TNRC18: variants seen among roughly 807,000 people sequenced by gnomAD.
TNRC18 encodes the protein trinucleotide repeat-containing gene 18 protein.
A neutral mutation model predicts 226.7 loss-of-function variants in TNRC18; 69 were observed. That is an observed-to-expected ratio of 0.30 (90% CI 0.25 to 0.37). The LOEUF (loss-of-function observed/expected upper bound fraction) is 0.37. Among genes scored for constraint, TNRC18 ranks in the 10% least tolerant of loss-of-function variants. The probability of loss-of-function intolerance (pLI) is 1.00; values close to 1 mark genes in which losing one functional copy is unlikely to be tolerated. For missense variants in TNRC18, 4,754 were observed against 4,256.6 expected (o/e 1.12, Z -3.25); for synonymous variants, 2,449 against 1,927.6 (o/e 1.27, Z -7.09).
Position 5,387,825 on chromosome 7 carries a change from C to CCG in TNRC18, c.1998_1999insCG (p.Glu667ArgfsTer40). Reference sequence around the variant, plus strand: ...GCCTCACCCTGGGCACCAGAGCCCTCGCGCCCGAAAGCTTTGGCGCTCTCG... The same window carrying CCG: ...GCCTCACCCTGGGCACCAGAGCCCTCCGGCGCCCGAAAGCTTTGGCGCTCTCG... On this transcript the variant is annotated frameshift_variant, in exon 5 of 30. Coordinates refer to ENST00000430969, the MANE Select transcript of TNRC18 (RefSeq NM_001080495.3). LOFTEE classifies it high-confidence loss of function. The CCG allele has an allele frequency of 6.2e-7, 1 of 1,606,794 alleles. No homozygotes were observed. The highest frequency in any genetic ancestry group is 2.2e-5 in the East Asian group (1 of 44,860).
chr7:5,405,116 CAA>C (rs61065130), intron 2 of TNRC18, among the ~76,000 whole-genome samples: 8 of 144,924 alleles, frequency 5.5e-5, no homozygotes, highest in Non-Finnish European at 4.6e-5. Context: ...GACTTCGTCT[CAA>C]AAAAAAAAAA....
At chr7:5,401,110 G>A (rs988837964) in intron 2 of TNRC18, among the ~76,000 whole-genome samples, 3 of 151,852 alleles carry the variant, frequency 2.0e-5, no homozygotes, top group South Asian at 2.1e-4. Flanking sequence ...TTGGGAGGCC[G>A]AGTGACTCAC....
At chr7:5,357,946 G>A (rs746445334) in intron 15 of TNRC18, among the ~76,000 whole-genome samples, 4 of 152,192 alleles carry the variant, frequency 2.6e-5, no homozygotes, top group Non-Finnish European at 5.9e-5. Flanking sequence ...CGCTGGCCCT[G>A]GCTTTCCGTG....
At chr7:5,382,041 T>C (rs1779432104) in intron 5 of TNRC18, among the ~76,000 whole-genome samples, 1 of 152,174 alleles carries the variant, frequency 6.6e-6, no homozygotes, top group African/African-American at 2.4e-5. Context: ...GCTGTCCCTG[T>C]GCCCAGCAGG....
rs61332709 is a variant in TNRC18, at chr7:5,371,273, C to G, written c.3321G>C (p.Ala1107=). The G allele has an allele frequency of 7.9e-3, 12,625 of 1,590,126 alleles. 872 individuals are homozygous for G. In the African/African-American group the frequency reaches 0.15, roughly 19 times the overall value. The change falls in exon 11 of 30, where the codon GCG becomes GCC. Residue 1107 remains alanine (A), a synonymous_variant. Coordinates refer to ENST00000430969, the MANE Select transcript of TNRC18 (RefSeq NM_001080495.3). The part of the protein sequence containing the change: ...FLLQPTAAAD[A]DGLAPDVPLP... ...GCGGCACATCAGGGGCCAAGCCGTC[C>G]GCGTCGGCGGCGGCCGTGGGCTGCA...
At chr7:5,335,835 GAAAAAAAAAA>G (rs61412615) in intron 18 of TNRC18, among the ~76,000 whole-genome samples, 9 of 126,814 alleles carry the variant, frequency 7.1e-5, no homozygotes, top group Admixed American at 1.6e-4. Context: ...ATATTCACTG[GAAAAAAAAAA>G]AAAAAAAAAA....
chr7:5,387,866 C>G lies in TNRC18; in HGVS notation c.1958G>C (p.Arg653Pro). The G allele has an allele frequency of 6.3e-7, 1 of 1,598,100 alleles. No homozygotes were observed. Among genetic ancestry groups the G allele is most frequent in the Non-Finnish European group, 8.5e-7 (1 of 1,175,076 alleles). Residue 653 changes from arginine to proline, a missense_variant, in exon 5 of 30, where the codon CGG becomes CCG. Transcript: ENST00000430969. ...PAAGGGRQLK[R>P]DPERPESAKA... Reference sequence around the variant, plus strand: ...GGCGCTCTCGGGCCTCTCGGGGTCCCGCTTCAGCTGCCGGCCGCCGCCCGC... The same window carrying G: ...GGCGCTCTCGGGCCTCTCGGGGTCCGGCTTCAGCTGCCGGCCGCCGCCCGC...
chr7:5,347,824 G>T (rs1385989555), intron 17 of TNRC18, among the ~76,000 whole-genome samples: 1 of 151,748 alleles, frequency 6.6e-6, no homozygotes, highest in African/African-American at 2.4e-5. Flanking sequence ...GTGCAGTGGC[G>T]GACACCTGTA....
rs1054269707 is a variant in TNRC18, at chr7:5,381,578, C to T, written c.2153-3554G>A. Among the ~76,000 whole-genome samples, 3 of 152,090 alleles carry T rather than the reference C, an allele frequency of 2.0e-5. No individual in the cohort carries two copies. In the East Asian group the frequency reaches 5.8e-4, roughly 29 times the overall value. On this transcript the variant is annotated intron_variant, in intron 5 of 29. Coordinates refer to ENST00000430969, the MANE Select transcript of TNRC18 (RefSeq NM_001080495.3). ...TCCTCGAGGCTGCAGTGAGCCATGA[C>T]TGCACCACTGAACTCCAACCTGGGC...
At position 5,377,866 on chromosome 7, in the gene TNRC18, AC is replaced by A; in HGVS notation, c.2255+55del. On this transcript the variant is annotated intron_variant, in intron 6 of 29. Coordinates refer to ENST00000430969, the MANE Select transcript of TNRC18 (RefSeq NM_001080495.3). The surrounding 1 kb of genome is among the most constrained non-coding windows in gnomAD (Gnocchi z 5.8). ...ACCTGGGGTCATCCAGCTGCCCCTC[AC>A]CCCCAGGGGCTCCTAGATACCCCCT... 1 of 1,544,428 alleles carries A rather than the reference AC, an allele frequency of 6.5e-7. No individual in the cohort carries two copies. Among genetic ancestry groups the A allele is most frequent in the Non-Finnish European group, 8.9e-7 (1 of 1,121,170 alleles).
chr7:5,388,637 T>C lies in TNRC18; in HGVS notation c.1187A>G (p.Asp396Gly). 7.8e-7 allele frequency: 1 copy of C among 1,277,046 alleles called. No individual in the cohort carries two copies. The highest frequency in any genetic ancestry group is 3.6e-5 in the East Asian group (1 of 27,506). 79.1% of individuals were successfully genotyped at this position (1,277,046 alleles called of 1,614,324 possible). The change falls in exon 5 of 30, where the codon GAT becomes GGT. Residue 396 changes from aspartate to glycine, a missense_variant. Transcript: ENST00000430969. ...GPIQIASQAR[D>G]ARAREREAGR... ...AGCCTCGCGCTCGCGGGCCCGGGCA[T>C]CGCGCGCCTGGGATGCGATCTGGAT...
chr7:5,411,852 C>G (rs1044325134), intron 2 of TNRC18, among the ~76,000 whole-genome samples: 11 of 152,040 alleles, frequency 7.2e-5, no homozygotes, highest in Non-Finnish European at 1.5e-4. Context: ...CAAAGCAGCT[C>G]ATCCAATAGA....
rs373773909 is a variant in TNRC18 at position 5,324,347 on chromosome 7, G to A, written c.6309C>T (p.Gly2103=). Reference sequence around the variant, plus strand: ...TCAGCTTGCTCACGGCACCCCCCTTGCCGCGGTTCTGGGGACAGAACATGG... The same window carrying A: ...TCAGCTTGCTCACGGCACCCCCCTTACCGCGGTTCTGGGGACAGAACATGG... ...KGKEVKKENR[G]KGGAVSKLME... is the part of the protein sequence containing the mutation. Residue 2103 remains glycine (G), a synonymous_variant, in exon 21 of 30, where the codon GGC becomes GGT. Transcript: ENST00000430969. This position sits in a 1 kb window ranked among gnomAD's most constrained non-coding sequence, Gnocchi z 4.8. 1.9e-6 allele frequency: 3 copies of A among 1,613,430 alleles called. No individual in the cohort carries two copies. Among genetic ancestry groups the A allele is most frequent in the Admixed American group, 1.7e-5 (1 of 60,004 alleles).
At chr7:5,319,693 G>C (rs542001627) in intron 24 of TNRC18, among the ~76,000 whole-genome samples, 132 of 152,220 alleles carry the variant, frequency 8.7e-4, no homozygotes, top group African/African-American at 3.2e-3. Flanking sequence ...ATTTTTAGTA[G>C]AGACGGGGTT....
intron 2 of TNRC18, chr7:5,420,596 G>C (rs1404064771): frequency 4.4e-6 from 2 of 455,124 alleles, no homozygotes; most frequent in African/African-American, 4.0e-5. Flanking sequence ...CCAGGGACCC[G>C]GCTCGGCGCG....
At chr7:5,404,098 G>A (rs1562626428) in intron 2 of TNRC18, among the ~76,000 whole-genome samples, 1 of 152,090 alleles carries the variant, frequency 6.6e-6, no homozygotes, top group South Asian at 2.1e-4. Flanking sequence ...CAGGGCCGGG[G>A]GCGGTGGACC....
intron 2 of TNRC18, among the ~76,000 whole-genome samples, chr7:5,402,229 C>G (rs1226845469): frequency 6.7e-6 from 1 of 150,284 alleles, no homozygotes; most frequent in Admixed American, 6.6e-5. Context: ...GAGCAAGACC[C>G]CATCCCAAAA....
chr7:5,395,243 G>A (rs908511408), intron 2 of TNRC18, among the ~76,000 whole-genome samples: 2 of 152,246 alleles, frequency 1.3e-5, no homozygotes, highest in Non-Finnish European at 2.9e-5. Flanking sequence ...CCGAGCCACA[G>A]TGGCTTAGGG....
intron 5 of TNRC18, among the ~76,000 whole-genome samples, chr7:5,386,911 C>T (rs983763622): frequency 3.9e-5 from 6 of 152,016 alleles, no homozygotes; most frequent in African/African-American, 1.5e-4. Context: ...CCTGTCTCTA[C>T]TAAAAACACA....
Sources: allele counts gnomAD v4.1 joint callset (sites outside exome capture counted in the v4.1 genomes callset), GRCh38; gene constraint gnomAD v4.1.1; non-coding constraint Gnocchi (gnomAD v3.1); transcripts MANE v1.5; gene names NCBI Gene and HGNC (gene_info 2026-07-23, HGNC 2026-07-21).